Variants in MUC13 observed in about 807,000 individuals in gnomAD.
MUC13 encodes the protein mucin-13.
Under a neutral mutation model 48.3 loss-of-function variants are expected in MUC13, and 32 were observed. That is an observed-to-expected ratio of 0.66 (90% CI 0.50 to 0.89). The LOEUF is 0.89. Ranked by LOEUF, MUC13 falls within the 40% of genes least tolerant of loss-of-function variation. The pLI is 0.00. For synonymous variants in MUC13, 199 were observed against 224.9 expected (o/e 0.88, Z 1.03); for missense variants, 571 against 622.8 (o/e 0.92, Z 0.88).
intron 10 of MUC13, among the ~76,000 whole-genome samples, chr3:124,908,769 T>A (rs902562514): frequency 6.6e-6 from 1 of 152,234 alleles, no homozygotes; most frequent in African/African-American, 2.4e-5. Context: ...GCTCATAATA[T>A]TAGAAAATAA....
intron 5 of MUC13, among the ~76,000 whole-genome samples, chr3:124,919,133 C>T (rs1220948128): frequency 2.6e-5 from 4 of 151,046 alleles, no homozygotes; most frequent in East Asian, 2.0e-4. Context: ...GTCAGGAGTT[C>T]GAGACCAGCC....
In MUC13 at chr3:124,913,097, G is replaced by T. The variant is rs374961709; in HGVS notation, c.1214+14C>A. The T allele has an allele frequency of 1.4e-4, 225 of 1,612,992 alleles. No homozygotes were observed. Among genetic ancestry groups the T allele is most frequent in the Non-Finnish European group, 1.5e-4 (173 of 1,179,352 alleles). On this transcript the variant is annotated intron_variant, in intron 8 of 11. Transcript: ENST00000616727. The stretch of plus-strand genomic sequence containing the variant: ...CCAGCTGTGGCAAGACAAAAACAAA[G>T]TTATTTTTCTTACTTTTGGCAGTTC...
Position 124,923,529 on chromosome 3 carries a change from T to G in MUC13, c.635A>C (p.Lys212Thr). Reference protein sequence around the residue: ...GYYYNSSTCKKGKVFPGKISV... With the variant: ...GYYYNSSTCKTGKVFPGKISV... ...ATGGCTCATCCCTTGTAACTCACCTTTCTTACATGTAGAAGAGTTGTAGTA... is the reference window on the plus strand; with the variant it reads ...ATGGCTCATCCCTTGTAACTCACCTGTCTTACATGTAGAAGAGTTGTAGTA... The change falls in exon 3 of 12, where the codon AAA (lysine) becomes ACA (threonine). Residue 212 changes from lysine (K) to threonine (T), a missense_variant and splice_region_variant. By Grantham distance (78) the Lys-to-Thr change is moderately conservative. Transcript: ENST00000616727. The G allele has an allele frequency of 6.2e-7, 1 of 1,613,370 alleles. No homozygotes were observed.
chr3:124,907,711 G>A (rs1220844004), intron 11 of MUC13, among the ~76,000 whole-genome samples: 1 of 152,156 alleles, frequency 6.6e-6, no homozygotes, highest in African/African-American at 2.4e-5. Flanking sequence ...CAGGGAAAGA[G>A]AGCGTTGCCT....
chr3:124,914,342 G>C (rs1277813479), intron 6 of MUC13, among the ~76,000 whole-genome samples: 1 of 152,008 alleles, frequency 6.6e-6, no homozygotes, highest in Admixed American at 6.6e-5. Flanking sequence ...CCTAGGAGGC[G>C]GAGGTTGCAG....
At chr3:124,920,726 G>A (rs1284077178) in intron 4 of MUC13, among the ~76,000 whole-genome samples, 1 of 152,240 alleles carries the variant, frequency 6.6e-6, no homozygotes, top group Admixed American at 6.5e-5. Context: ...GTCAAGTTTG[G>A]GGAAAGTAGT....
At chr3:124,917,656 A>G (rs1270877176) in intron 5 of MUC13, among the ~76,000 whole-genome samples, 1 of 150,978 alleles carries the variant, frequency 6.6e-6, no homozygotes, top group Non-Finnish European at 1.5e-5. Flanking sequence ...AGGCACAATC[A>G]TCTCAAAAGG....
chr3:124,920,918 C>T (rs2107671025), intron 4 of MUC13, among the ~76,000 whole-genome samples: 2 of 152,312 alleles, frequency 1.3e-5, no homozygotes, highest in Middle Eastern at 6.8e-3. Flanking sequence ...GGTGACATGG[C>T]AAAGGGACAG....
intron 5 of MUC13, among the ~76,000 whole-genome samples, chr3:124,917,396 G>C (rs1463713473): frequency 2.0e-5 from 3 of 150,664 alleles, no homozygotes; most frequent in Non-Finnish European, 4.4e-5. Context: ...CACCAGGCTG[G>C]AGTGCGGTGG....
chr3:124,926,726 G>A (rs1643954572), intron 2 of MUC13, among the ~76,000 whole-genome samples: 1 of 152,108 alleles, frequency 6.6e-6, no homozygotes, highest in African/African-American at 2.4e-5. Flanking sequence ...ATCAAGGGCT[G>A]GCAAACTATG....
rs372528488 is a variant in MUC13 at position 124,921,704 on chromosome 3, ATTC to A, written c.744+490_744+492del. On this transcript the variant is annotated intron_variant, in intron 4 of 11. Coordinates refer to ENST00000616727, the MANE Select transcript of MUC13 (RefSeq NM_033049.4). ...AATAAGTAACAGATATTCAGATGTA[ATTC>A]TTCTTCTAGACATTTTTTTAAAAGC... Among the ~76,000 whole-genome samples, 85 of 152,356 alleles carry A rather than the reference ATTC, an allele frequency of 5.6e-4. 1 individual carries two copies. The East Asian group carries it at 0.011, about 20-fold the overall frequency.
chr3:124,917,442 G>C (rs891145196), intron 5 of MUC13, among the ~76,000 whole-genome samples: 1 of 151,634 alleles, frequency 6.6e-6, no homozygotes, highest in African/African-American at 2.4e-5. Flanking sequence ...GACCTCCTGG[G>C]CTCAGCTTAT....
chr3:124,933,409 A>G (rs1935829789), intron 1 of MUC13, among the ~76,000 whole-genome samples: 2 of 152,218 alleles, frequency 1.3e-5, no homozygotes, highest in Non-Finnish European at 2.9e-5. Flanking sequence ...CCAAAGAAGA[A>G]CTATTGCTCC....
chr3:124,933,170 A>G (rs1445612515), intron 1 of MUC13, among the ~76,000 whole-genome samples: 1 of 152,026 alleles, frequency 6.6e-6, no homozygotes, highest in Non-Finnish European at 1.5e-5. Flanking sequence ...GCTCTCAAAA[A>G]ACTCTAATCC....
In MUC13 at chr3:124,922,315, GC is replaced by G. The variant is rs754264942; in HGVS notation, c.638-13del. 2 of 1,612,988 alleles carry G rather than the reference GC, an allele frequency of 1.2e-6. No homozygotes were observed. The highest frequency in any genetic ancestry group is 2.7e-5 in the African/African-American group (2 of 74,994). Reference sequence around the variant, plus strand: ...AGGGAATACCTTTCCTGAAAGTTAAGCAGAATCTTTCTGTACTATTTGATGA... The same window carrying G: ...AGGGAATACCTTTCCTGAAAGTTAAGAGAATCTTTCTGTACTATTTGATGA... On this transcript the variant is annotated splice_polypyrimidine_tract_variant and intron_variant, in intron 3 of 11. Coordinates refer to ENST00000616727, the MANE Select transcript of MUC13 (RefSeq NM_033049.4).
chr3:124,933,644 T>C (rs540049797), intron 1 of MUC13, among the ~76,000 whole-genome samples: 2 of 152,334 alleles, frequency 1.3e-5, no homozygotes, highest in African/African-American at 2.4e-5. Flanking sequence ...CCATAACTTG[T>C]TTTACCAAGA....
At chr3:124,934,531 G>A in intron 1 of MUC13, 130 bp downstream of exon 1, 1 of 664,264 alleles carries the variant, frequency 1.5e-6, no homozygotes. Context: ...GAGCTGAGCT[G>A]GAGAGGAAAC....
intron 1 of MUC13, 86 bp downstream of exon 1, chr3:124,934,575 G>A: frequency 1.1e-6 from 1 of 892,316 alleles, no homozygotes; most frequent in African/African-American, 1.6e-5. Flanking sequence ...GCTGGGCTGG[G>A]AGAATTGGTA....
At chr3:124,926,447 G>C (rs1311063084) in intron 2 of MUC13, among the ~76,000 whole-genome samples, 2 of 152,224 alleles carry the variant, frequency 1.3e-5, no homozygotes, top group East Asian at 3.8e-4. Flanking sequence ...TGTCCCATTG[G>C]ATCCCGCCTT....
Sources: gnomAD v4.1 joint callset for allele counts (sites outside exome capture counted in the v4.1 genomes callset) on GRCh38, gnomAD v4.1.1 for gene constraint, MANE v1.5 for transcripts, NCBI Gene and HGNC (gene_info 2026-07-23, HGNC 2026-07-21) for gene names.